CTNND2: variants seen among roughly 807,000 people sequenced by gnomAD.
CTNND2 encodes the protein catenin delta 2.
Under a neutral mutation model 144.4 loss-of-function variants are expected in CTNND2, and 22 were observed. The ratio of observed to expected loss-of-function variants is 0.15; its 90% CI spans 0.11 to 0.22. The LOEUF is 0.22. Among genes scored for constraint, CTNND2 ranks in the 10% least tolerant of loss-of-function variants. The pLI is 1.00. For synonymous variants in CTNND2, 751 were observed against 695.6 expected (o/e 1.08, Z -1.25); for missense variants, 1,353 against 1,618.8 (o/e 0.84, Z 2.82).
chr5:11,827,157 C>T (rs1793647857), intron 1 of CTNND2, among the ~76,000 whole-genome samples: 1 of 152,124 alleles, frequency 6.6e-6, no homozygotes, highest in Non-Finnish European at 1.5e-5. Context: ...AAGTTTGCAA[C>T]TTACAACATG....
At chr5:11,023,511 A>G (rs918146404) in intron 16 of CTNND2, among the ~76,000 whole-genome samples, 2 of 152,212 alleles carry the variant, frequency 1.3e-5, no homozygotes, top group African/African-American at 4.8e-5. Flanking sequence ...GGGGAACATG[A>G]TCACATATGT....
At chr5:11,839,208 A>G (rs736437) in intron 1 of CTNND2, among the ~76,000 whole-genome samples, 15,471 of 151,732 alleles carry the variant, frequency 0.1, 2,056 homozygotes, top group African/African-American at 0.31. Context: ...GGGGTCATAC[A>G]ATTGGTGATC....
rs1211714131 is a variant in CTNND2, at chr5:11,385,323, G to A, written c.613-94C>T. 6.9e-6 allele frequency: 6 copies of A among 871,838 alleles called. No individual in the cohort carries two copies. The East Asian group carries it at 4.6e-4, about 67-fold the overall frequency. The allele number at this position is 871,838 out of a possible 1,614,324, so 54.0% of individuals were successfully genotyped here. On this transcript the variant is annotated intron_variant, in intron 6 of 21. Coordinates refer to ENST00000304623, the MANE Select transcript of CTNND2 (RefSeq NM_001332.4). ...CCGGCCCCGAGAGCAGAGGCACACC[G>A]GGGATGCCGCGGGCGCCCGGCGGCT...
intron 10 of CTNND2, among the ~76,000 whole-genome samples, chr5:11,217,376 G>A (rs1168715654): frequency 6.6e-6 from 1 of 152,134 alleles, no homozygotes; most frequent in African/African-American, 2.4e-5. Context: ...GGAAGGAGGT[G>A]GCTTTTCAAA....
At chr5:11,282,487 C>A (rs150394197) in intron 9 of CTNND2, among the ~76,000 whole-genome samples, 1 of 152,194 alleles carries the variant, frequency 6.6e-6, no homozygotes, top group East Asian at 1.9e-4. Context: ...CTGATAAGCT[C>A]CAAGCCCCCA....
At position 11,499,597 on chromosome 5, in the gene CTNND2, A is replaced by G. The variant is rs374214877; in HGVS notation, c.287+65347T>C. Among the ~76,000 whole-genome samples, 15 of 152,292 alleles carry G rather than the reference A, an allele frequency of 9.8e-5. No individual in the cohort carries two copies. The East Asian group carries it at 2.9e-3, about 29-fold the overall frequency. On this transcript the variant is annotated intron_variant, in intron 3 of 21. Coordinates refer to ENST00000304623, the MANE Select transcript of CTNND2 (RefSeq NM_001332.4). ...AGGCATCCTGCCATTTCATTCATGA[A>G]CCCTGCAGTGTGCATCCCCAAACAA... is the stretch of plus-strand genomic sequence containing the variant.
chr5:11,227,138 T>C (rs2149877428), intron 10 of CTNND2, among the ~76,000 whole-genome samples: 1 of 152,344 alleles, frequency 6.6e-6, no homozygotes, highest in South Asian at 2.1e-4. Context: ...AAGTATTCTG[T>C]CTATAAAACT....
intron 9 of CTNND2, among the ~76,000 whole-genome samples, chr5:11,311,730 A>G (rs1750892452): frequency 7.5e-6 from 1 of 133,754 alleles, no homozygotes; most frequent in South Asian, 2.5e-4. Context: ...ATGCACCCTC[A>G]CCTCACATGC....
chr5:11,727,188 C>G (rs1450206462), intron 2 of CTNND2, among the ~76,000 whole-genome samples: 2 of 152,104 alleles, frequency 1.3e-5, no homozygotes, highest in African/African-American at 4.8e-5. Context: ...GCAGGTGGTC[C>G]CATCAATCTC....
chr5:11,443,352 G>T (rs1366782505), intron 3 of CTNND2, among the ~76,000 whole-genome samples: 4 of 69,928 alleles, frequency 5.7e-5, no homozygotes, highest in East Asian at 4.8e-4. Flanking sequence ...GGAGTGTGTG[G>T]GAGGGTGTGT....
intron 3 of CTNND2, among the ~76,000 whole-genome samples, chr5:11,429,264 A>G (rs2149870300): frequency 6.6e-6 from 1 of 152,364 alleles, no homozygotes; most frequent in Middle Eastern, 3.4e-3. Flanking sequence ...GCCCATTGCC[A>G]TATTTCATTC....
intron 1 of CTNND2, among the ~76,000 whole-genome samples, chr5:11,828,306 G>A (rs1196130806): frequency 6.6e-6 from 1 of 152,098 alleles, no homozygotes; most frequent in Non-Finnish European, 1.5e-5. Context: ...GAGGTGTGTG[G>A]ATCACCTGAG....
intron 18 of CTNND2, among the ~76,000 whole-genome samples, chr5:11,008,227 C>T (rs763433471): frequency 6.6e-5 from 10 of 152,240 alleles, no homozygotes; most frequent in Non-Finnish European, 1.2e-4. Flanking sequence ...TTCCCAGAAC[C>T]GGTGAATATG....
intron 8 of CTNND2, among the ~76,000 whole-genome samples, chr5:11,354,254 A>G (rs1755634760): frequency 6.6e-6 from 1 of 152,250 alleles, no homozygotes; most frequent in South Asian, 2.1e-4. Context: ...CATCTTAAGC[A>G]CTAAATGATT....
intron 3 of CTNND2, among the ~76,000 whole-genome samples, chr5:11,552,113 C>T (rs1356395965): frequency 6.6e-6 from 1 of 152,182 alleles, no homozygotes; most frequent in African/African-American, 2.4e-5. Flanking sequence ...GCAAGAGCCA[C>T]ATCGTAGTCA....
intron 1 of CTNND2, among the ~76,000 whole-genome samples, chr5:11,757,464 T>C (rs1260948884): frequency 6.6e-6 from 1 of 151,880 alleles, no homozygotes; most frequent in Non-Finnish European, 1.5e-5. Context: ...AGTATTATTT[T>C]AGAATAAATT....
intron 2 of CTNND2, among the ~76,000 whole-genome samples, chr5:11,565,434 G>A (rs3909893): frequency 0.9 from 136,294 of 152,280 alleles, 61,053 homozygotes; most frequent in Admixed American, 0.92. Context: ...ATGAGAAAAA[G>A]AGTTCAGTTT....
At chr5:11,685,249 T>A (rs1005934487) in intron 2 of CTNND2, among the ~76,000 whole-genome samples, 1 of 152,218 alleles carries the variant, frequency 6.6e-6, no homozygotes, top group Non-Finnish European at 1.5e-5. Flanking sequence ...GTGCTGGGCA[T>A]AAGAGCTAAG....
chr5:11,836,776 A>G (rs1027048589), intron 1 of CTNND2, among the ~76,000 whole-genome samples: 4 of 152,218 alleles, frequency 2.6e-5, no homozygotes, highest in African/African-American at 9.7e-5. Flanking sequence ...AGGTAGGTAT[A>G]TTGGCAATGA....
Sources: allele counts gnomAD v4.1 joint callset (sites outside exome capture counted in the v4.1 genomes callset), GRCh38; gene constraint gnomAD v4.1.1; transcripts MANE v1.5; gene names NCBI Gene and HGNC (gene_info 2026-07-23, HGNC 2026-07-21).